Variants in ZCWPW2 observed in about 807,000 individuals in gnomAD.
ZCWPW2 encodes zinc finger CW-type and PWWP domain containing 2.
ZCWPW2 carries 45 observed loss-of-function variants against 46.6 expected under a neutral mutation model. The observed-to-expected ratio is 0.96, with a 90% CI of 0.76 to 1.24. The LOEUF (loss-of-function observed/expected upper bound fraction) is 1.24, where lower values mean the gene tolerates loss of function less well. ZCWPW2 is among the 50% of genes most tolerant of loss of function. The probability of loss-of-function intolerance (pLI) is 0.00; values close to 1 mark genes in which losing one functional copy is unlikely to be tolerated. For synonymous variants in ZCWPW2, 152 were observed against 137.1 expected (o/e 1.11, Z -0.76); for missense variants, 429 against 403.9 (o/e 1.06, Z -0.53).
At chr3:28,435,907 A>T (rs1173166178) in intron 4 of ZCWPW2, among the ~76,000 whole-genome samples, 1 of 152,116 alleles carries the variant, frequency 6.6e-6, no homozygotes, top group Non-Finnish European at 1.5e-5. Context: ...AGAAGAGGAG[A>T]CTCTATGTTA....
chr3:28,498,960 C>T lies in ZCWPW2; in HGVS notation c.657+6787C>T, dbSNP rs546250138. Among the ~76,000 whole-genome samples, 4 of 152,224 alleles carry T rather than the reference C, an allele frequency of 2.6e-5. No individual in the cohort carries two copies. The East Asian group carries it at 7.7e-4, about 29-fold the overall frequency. ...ATGGTTTCCAGCTTCATCCATGTCCCTGCAAAGGACGTGAACTCATCCTTT... is the reference window on the plus strand; with the variant it reads ...ATGGTTTCCAGCTTCATCCATGTCCTTGCAAAGGACGTGAACTCATCCTTT... On this transcript the variant is annotated intron_variant, in intron 6 of 9. Transcript: ENST00000383768.
intron 2 of ZCWPW2, among the ~76,000 whole-genome samples, chr3:28,393,736 A>T (rs1173570996): frequency 6.6e-6 from 1 of 152,182 alleles, no homozygotes; most frequent in Admixed American, 6.5e-5. Flanking sequence ...AAAATTTAAC[A>T]TCAGTTTATG....
At chr3:28,408,821 A>G (rs1485452353) in intron 2 of ZCWPW2, among the ~76,000 whole-genome samples, 1 of 152,154 alleles carries the variant, frequency 6.6e-6, no homozygotes, top group African/African-American at 2.4e-5. Flanking sequence ...ATTTTCCCTC[A>G]GCTCAGTTGT....
chr3:28,389,208 C>G (rs1004603417), intron 1 of ZCWPW2, among the ~76,000 whole-genome samples: 2 of 152,098 alleles, frequency 1.3e-5, no homozygotes, highest in African/African-American at 4.8e-5. Flanking sequence ...TAGTGATACT[C>G]CCATTGCCAC....
Position 28,365,555 on chromosome 3 carries a change from G to C in ZCWPW2, c.-134+16352G>C, listed in dbSNP as rs143472505. ...TGCTGTTTTGGTTACCGTAGCCTTG[G>C]AGTATAGTTTGAAGTCAGGTAGCGT... is the stretch of plus-strand genomic sequence containing the variant. On this transcript the variant is annotated intron_variant, in intron 1 of 9. Transcript: ENST00000383768. 4.7e-3 allele frequency among the ~76,000 whole-genome samples: 660 copies of C among 140,520 alleles called. 54 individuals are homozygous for C. Among genetic ancestry groups the C allele is most frequent in the African/African-American group, 0.016 (615 of 39,528 alleles). The allele number at this position is 140,520 out of a possible 152,430, so 92.2% of individuals were successfully genotyped here.
At chr3:28,381,977 A>G (rs1447130137) in intron 1 of ZCWPW2, among the ~76,000 whole-genome samples, 1 of 152,080 alleles carries the variant, frequency 6.6e-6, no homozygotes, top group Non-Finnish European at 1.5e-5. Flanking sequence ...ATCCAGACCA[A>G]CATGGAGAAG....
chr3:28,431,132 T>C (rs552090242), intron 3 of ZCWPW2, among the ~76,000 whole-genome samples: 1 of 152,168 alleles, frequency 6.6e-6, no homozygotes, highest in Non-Finnish European at 1.5e-5. Flanking sequence ...TTTCAGATTC[T>C]TTACAGCATG....
intron 1 of ZCWPW2, among the ~76,000 whole-genome samples, chr3:28,388,024 G>C (rs992339001): frequency 2.0e-5 from 3 of 152,150 alleles, no homozygotes; most frequent in Admixed American, 6.6e-5. Flanking sequence ...CCAAAATATG[G>C]TGGGGTAGGT....
At chr3:28,441,760 G>A (rs1697768580) in intron 4 of ZCWPW2, among the ~76,000 whole-genome samples, 1 of 152,152 alleles carries the variant, frequency 6.6e-6, no homozygotes, top group African/African-American at 2.4e-5. Context: ...CCCATTTTAT[G>A]GCTAGATGGG....
At chr3:28,352,971 G>A (rs1338337190) in intron 1 of ZCWPW2, among the ~76,000 whole-genome samples, 1 of 151,986 alleles carries the variant, frequency 6.6e-6, no homozygotes, top group East Asian at 1.9e-4. Flanking sequence ...ATCACCTAAG[G>A]TCAGGAGTTA....
intron 4 of ZCWPW2, among the ~76,000 whole-genome samples, chr3:28,450,131 G>A (rs768888964): frequency 7.9e-5 from 12 of 152,174 alleles, no homozygotes; most frequent in Non-Finnish European, 1.5e-4. Flanking sequence ...TAAGTTTTAA[G>A]GAGAGAGAAC....
intron 4 of ZCWPW2, among the ~76,000 whole-genome samples, chr3:28,469,586 A>G (rs1031944728): frequency 1.3e-5 from 2 of 152,144 alleles, no homozygotes; most frequent in Non-Finnish European, 2.9e-5. Context: ...ATACCAGACA[A>G]TATAGGTTTC....
At chr3:28,441,670 C>G (rs1697764948) in intron 4 of ZCWPW2, among the ~76,000 whole-genome samples, 3 of 152,236 alleles carry the variant, frequency 2.0e-5, no homozygotes, top group South Asian at 4.1e-4. Flanking sequence ...CCCCATGTAC[C>G]TTACTTGTGC....
intron 2 of ZCWPW2, among the ~76,000 whole-genome samples, chr3:28,405,934 T>C (rs1429622831): frequency 6.6e-6 from 1 of 152,144 alleles, no homozygotes; most frequent in Non-Finnish European, 1.5e-5. Context: ...CATTCTCAGA[T>C]GGAAATAGGA....
intron 5 of ZCWPW2, among the ~76,000 whole-genome samples, chr3:28,480,828 A>G (rs1356813573): frequency 6.8e-6 from 1 of 147,990 alleles, no homozygotes; most frequent in Non-Finnish European, 1.5e-5. Flanking sequence ...TCCCAGTACC[A>G]TTTATTAAGT....
At chr3:28,497,591 TTC>T (rs144039136) in intron 6 of ZCWPW2, among the ~76,000 whole-genome samples, 1 of 152,184 alleles carries the variant, frequency 6.6e-6, no homozygotes, top group Non-Finnish European at 1.5e-5. Flanking sequence ...CTCACAGTGT[TTC>T]CCTGCTTCCC....
At chr3:28,356,950 A>G (rs1022656585) in intron 1 of ZCWPW2, among the ~76,000 whole-genome samples, 6 of 152,162 alleles carry the variant, frequency 3.9e-5, no homozygotes, top group African/African-American at 4.8e-5. Flanking sequence ...ATATGTATAC[A>G]TATGTAACAA....
intron 6 of ZCWPW2, among the ~76,000 whole-genome samples, chr3:28,497,009 C>G (rs928305719): frequency 6.7e-6 from 1 of 149,162 alleles, no homozygotes; most frequent in Non-Finnish European, 1.5e-5. Flanking sequence ...TTATATAATA[C>G]ATTATTTATG....
intron 3 of ZCWPW2, among the ~76,000 whole-genome samples, chr3:28,421,745 T>G (rs1489581617): frequency 6.6e-6 from 1 of 151,778 alleles, no homozygotes; most frequent in Non-Finnish European, 1.5e-5. Flanking sequence ...TTTTTTTTCA[T>G]ATATAACATG....
Sources: allele counts gnomAD v4.1 joint callset (sites outside exome capture counted in the v4.1 genomes callset), GRCh38; gene constraint gnomAD v4.1.1; transcripts MANE v1.5; gene names NCBI Gene and HGNC (gene_info 2026-07-23, HGNC 2026-07-21).